RBFOX1: variants seen among roughly 807,000 people sequenced by gnomAD.
RBFOX1 encodes the protein RNA binding fox-1 homolog 1.
In RBFOX1, 8 loss-of-function variants were observed where a neutral mutation model predicts 57.7. That is an observed-to-expected ratio of 0.14 (90% CI 0.08 to 0.25). The LOEUF is 0.25. RBFOX1 is among the 10% of genes least tolerant of loss of function. The probability of loss-of-function intolerance (pLI) is 1.00; values close to 1 mark genes in which losing one functional copy is unlikely to be tolerated. For missense variants in RBFOX1, 611 were observed against 548.5 expected, an observed-to-expected ratio of 1.11 and a Z score of -1.14; for synonymous variants, 326 against 222.4, an observed-to-expected ratio of 1.47 and a Z score of -4.15.
intron 2 of RBFOX1, among the ~76,000 whole-genome samples, chr16:5,588,751 C>G (rs988152018): frequency 3.3e-5 from 5 of 152,006 alleles, no homozygotes; most frequent in Non-Finnish European, 5.9e-5. Context: ...GACTGAGGGT[C>G]GGGGGGAAAT....
rs891631036 is a variant in RBFOX1 at position 6,410,167 on chromosome 16, G to T, written c.-64+93110G>T. 1.9e-4 allele frequency among the ~76,000 whole-genome samples: 12 copies of T among 62,560 alleles called. No individual in the cohort carries two copies. The East Asian group carries it at 4.0e-3, about 21-fold the overall frequency. 41.0% of individuals were successfully genotyped at this position (62,560 alleles called of 152,430 possible). On this transcript the variant is annotated intron_variant, in intron 2 of 15. Coordinates refer to ENST00000550418, the MANE Select transcript of RBFOX1 (RefSeq NM_018723.4). ...AGTTTAGAGTTTTAAGCATCATAAG[G>T]CTGTGTGTGTGTGTGTGTGTGTGTG... is the stretch of plus-strand genomic sequence containing the variant.
intron 2 of RBFOX1, among the ~76,000 whole-genome samples, chr16:6,651,047 C>T (rs933522611): frequency 1.2e-4 from 19 of 152,114 alleles, no homozygotes; most frequent in Admixed American, 9.2e-4. Flanking sequence ...GGATTACAGG[C>T]GTGCACCAAC....
chr16:6,009,802 A>ATGTGTGTGTGTGTCTG (rs2094949830), intron 4 of RBFOX1, among the ~76,000 whole-genome samples: 7 of 58,562 alleles, frequency 1.2e-4, no homozygotes, highest in Admixed American at 1.0e-3. Context: ...CAGTGTGTGT[A>ATGTGTGTGTGTGTCTG]TGTGTGTGTG....
chr16:6,889,526 T>C (rs1002791337), intron 3 of RBFOX1, among the ~76,000 whole-genome samples: 2 of 152,196 alleles, frequency 1.3e-5, no homozygotes, highest in Non-Finnish European at 2.9e-5. Context: ...TCTTCGTGAC[T>C]GCAGTGTTAC....
At chr16:6,959,459 C>A (rs1435373385) in intron 3 of RBFOX1, among the ~76,000 whole-genome samples, 1 of 152,108 alleles carries the variant, frequency 6.6e-6, no homozygotes, top group Non-Finnish European at 1.5e-5. Flanking sequence ...GGAATAAAAT[C>A]TTGTTTCTAG....
chr16:6,429,605 CCATGTGT>C (rs1287340398), intron 2 of RBFOX1, among the ~76,000 whole-genome samples: 1 of 152,138 alleles, frequency 6.6e-6, no homozygotes, highest in African/African-American at 2.4e-5. Flanking sequence ...GTAATAATCC[CCATGTGT>C]CAAGGGTGGG....
intron 3 of RBFOX1, among the ~76,000 whole-genome samples, chr16:7,029,678 C>T (rs536658640): frequency 1.8e-4 from 27 of 152,166 alleles, no homozygotes; most frequent in African/African-American, 6.5e-4. Flanking sequence ...ATTTTCAAAA[C>T]AGATGAAAGA....
intron 2 of RBFOX1, among the ~76,000 whole-genome samples, chr16:6,606,912 G>A (rs2097939587): frequency 6.6e-6 from 1 of 152,068 alleles, no homozygotes; most frequent in Non-Finnish European, 1.5e-5. Flanking sequence ...TTCTTGTTCT[G>A]AATCTTTGAG....
chr16:6,211,116 C>A (rs1375870260), intron 1 of RBFOX1, among the ~76,000 whole-genome samples: 1 of 151,306 alleles, frequency 6.6e-6, no homozygotes, highest in African/African-American at 2.4e-5. Flanking sequence ...GGGGATGTGG[C>A]CTAACGGCAG....
intron 1 of RBFOX1, among the ~76,000 whole-genome samples, chr16:6,240,934 C>T (rs964161840): frequency 1.3e-5 from 2 of 152,192 alleles, no homozygotes; most frequent in South Asian, 4.1e-4. Context: ...TGACATCACA[C>T]ATTGTGTTTC....
At chr16:5,863,424 C>G (rs1214547618) in intron 3 of RBFOX1, among the ~76,000 whole-genome samples, 6 of 152,276 alleles carry the variant, frequency 3.9e-5, no homozygotes, top group African/African-American at 9.6e-5. Context: ...TTGATAAAAG[C>G]CCATGGTTGC....
At chr16:7,509,390 C>CTGTGTGTGTGTGTGTGTGTG (rs34760329) in intron 4 of RBFOX1, among the ~76,000 whole-genome samples, 1 of 145,166 alleles carries the variant, frequency 6.9e-6, no homozygotes, top group African/African-American at 2.5e-5. Flanking sequence ...GAGCCAAGCC[C>CTGTGTGTGTGTGTGTGTGTG]TGTGTGTGTG....
chr16:5,300,416 G>A (rs1011141752), intron 1 of RBFOX1, among the ~76,000 whole-genome samples: 3 of 152,064 alleles, frequency 2.0e-5, no homozygotes, highest in Non-Finnish European at 4.4e-5. Flanking sequence ...AGTGTACACT[G>A]CTTGGGTGAT....
intron 2 of RBFOX1, among the ~76,000 whole-genome samples, chr16:6,557,026 CATA>C (rs2097109279): frequency 8.1e-6 from 1 of 123,740 alleles, no homozygotes; most frequent in Admixed American, 7.5e-5. Context: ...CATATATATA[CATA>C]TATACACATA....
chr16:5,385,454 C>T (rs2066232042), intron 1 of RBFOX1, among the ~76,000 whole-genome samples: 1 of 152,154 alleles, frequency 6.6e-6, no homozygotes, highest in Non-Finnish European at 1.5e-5. Context: ...GCACTTTGAG[C>T]AGAGAGTACT....
chr16:6,820,659 C>CAAA (rs749156791), intron 3 of RBFOX1, among the ~76,000 whole-genome samples: 6 of 136,636 alleles, frequency 4.4e-5, no homozygotes, highest in African/African-American at 1.6e-4. Flanking sequence ...ACCCTGTCTC[C>CAAA]AAAAAAAAAA....
intron 3 of RBFOX1, among the ~76,000 whole-genome samples, chr16:6,862,464 A>T (rs2059186620): frequency 6.6e-6 from 1 of 152,216 alleles, no homozygotes; most frequent in African/African-American, 2.4e-5. Flanking sequence ...AGTTATTAGC[A>T]ATATTACAGT....
intron 1 of RBFOX1, among the ~76,000 whole-genome samples, chr16:6,303,622 A>G (rs947082413): frequency 1.3e-5 from 2 of 152,052 alleles, no homozygotes; most frequent in African/African-American, 4.8e-5. Context: ...TTGTTGACAC[A>G]TTAATCTTGG....
chr16:5,254,987 C>T (rs1194823778), intron 1 of RBFOX1, among the ~76,000 whole-genome samples: 8 of 152,138 alleles, frequency 5.3e-5, no homozygotes, highest in Admixed American at 2.0e-4. Flanking sequence ...TTAAGGAACC[C>T]CTGGCTCTAC....
Sources: gnomAD v4.1 joint callset for allele counts (sites outside exome capture counted in the v4.1 genomes callset) on GRCh38, gnomAD v4.1.1 for gene constraint, MANE v1.5 for transcripts, NCBI Gene and HGNC (gene_info 2026-07-23, HGNC 2026-07-21) for gene names.